The following CPNE4 variants were observed in gnomAD, a reference collection of about 807,000 sequenced individuals.
CPNE4 encodes the protein copine 4.
In CPNE4, 25 loss-of-function variants were observed where a neutral mutation model predicts 67.9. That is an observed-to-expected ratio of 0.37 (90% CI 0.27 to 0.51). The LOEUF (loss-of-function observed/expected upper bound fraction) is 0.51, where lower values mean the gene tolerates loss of function less well. Among genes scored for constraint, CPNE4 ranks in the 20% least tolerant of loss-of-function variants. CPNE4 has a pLI of 0.93. For missense variants in CPNE4, 464 were observed against 690.8 expected (o/e 0.67, Z 3.68); for synonymous variants, 242 against 244.9 (o/e 0.99, Z 0.11).
At chr3:131,889,726 C>T (rs1053144746) in intron 2 of CPNE4, among the ~76,000 whole-genome samples, 2 of 152,146 alleles carry the variant, frequency 1.3e-5, no homozygotes, top group African/African-American at 4.8e-5. Flanking sequence ...AATGGCAACA[C>T]AATCTGAGAA....
rs1937653916 is a variant in CPNE4 at position 131,579,560 on chromosome 3, T to C, written c.867+2019A>G. On this transcript the variant is annotated intron_variant, in intron 9 of 15. Transcript: ENST00000429747. ...TAAATTGAAAACTTTCTGGAAAAGA[T>C]TCATGATTCTAGATGCCATTAAGAA... is the stretch of plus-strand genomic sequence containing the variant. Among the ~76,000 whole-genome samples, 4 of 152,200 alleles carry C rather than the reference T, an allele frequency of 2.6e-5. No homozygotes were observed. In the South Asian group the frequency reaches 8.3e-4, roughly 32 times the overall value.
At chr3:131,595,190 A>G (rs1228603178) in intron 7 of CPNE4, among the ~76,000 whole-genome samples, 2 of 152,240 alleles carry the variant, frequency 1.3e-5, no homozygotes, top group African/African-American at 4.8e-5. Flanking sequence ...GAATTACCAT[A>G]TGATTCAGCA....
intron 1 of CPNE4, among the ~76,000 whole-genome samples, chr3:131,967,912 C>G (rs2072397609): frequency 1.3e-5 from 2 of 152,044 alleles, no homozygotes; most frequent in South Asian, 4.2e-4. Flanking sequence ...CAATCCAAAG[C>G]AAAAAGAACA....
At chr3:131,897,539 C>A (rs937730956) in intron 2 of CPNE4, among the ~76,000 whole-genome samples, 1 of 151,992 alleles carries the variant, frequency 6.6e-6, no homozygotes, top group Admixed American at 6.6e-5. Context: ...GGGCAAGTTA[C>A]TTAACACCTC....
intron 15 of CPNE4, among the ~76,000 whole-genome samples, chr3:131,536,725 C>G (rs1357691332): frequency 6.6e-6 from 1 of 152,194 alleles, no homozygotes; most frequent in African/African-American, 2.4e-5. Context: ...TTGAAGATGT[C>G]ATAGCATGAT....
At chr3:131,600,681 G>A (rs1176452233) in intron 7 of CPNE4, among the ~76,000 whole-genome samples, 1 of 152,178 alleles carries the variant, frequency 6.6e-6, no homozygotes, top group Admixed American at 6.5e-5. Context: ...TCTGTGTGGA[G>A]TGCTCTGTGC....
rs531131808 is a variant in CPNE4 at position 131,534,734 on chromosome 3, T to C, written c.*461A>G. 6.5e-6 allele frequency: 1 copy of C among 152,786 alleles called. No homozygotes were observed. Among genetic ancestry groups the C allele is most frequent in the African/African-American group, 2.4e-5 (1 of 41,580 alleles). 9.5% of individuals were successfully genotyped at this position (152,786 alleles called of 1,614,324 possible). On this transcript the variant is annotated 3_prime_UTR_variant, in exon 16 of 16. Coordinates refer to ENST00000429747, the MANE Select transcript of CPNE4 (RefSeq NM_130808.3). The stretch of plus-strand genomic sequence containing the variant: ...AAAACCATGTGGGTTTTTCTTTTTT[T>C]ATTTTAAACATGCAAAATACAGTCC...
At chr3:131,834,580 G>C (rs1560426257) in intron 2 of CPNE4, among the ~76,000 whole-genome samples, 1 of 147,972 alleles carries the variant, frequency 6.8e-6, no homozygotes, top group African/African-American at 2.5e-5. Context: ...TATTTGGAGA[G>C]AAAAAAAAAT....
chr3:131,771,418 A>T (rs2083163170), intron 2 of CPNE4, among the ~76,000 whole-genome samples: 1 of 152,016 alleles, frequency 6.6e-6, no homozygotes, highest in Admixed American at 6.6e-5. Flanking sequence ...TCCCTCATGG[A>T]TAGATTAATG....
At chr3:131,979,565 T>A (rs1029231138) in intron 1 of CPNE4, among the ~76,000 whole-genome samples, 2 of 152,210 alleles carry the variant, frequency 1.3e-5, no homozygotes, top group African/African-American at 4.8e-5. Flanking sequence ...TTTAAACTTA[T>A]GTGAGGCCTT....
intron 2 of CPNE4, among the ~76,000 whole-genome samples, chr3:131,729,351 G>A (rs1041475292): frequency 2.0e-5 from 3 of 152,104 alleles, no homozygotes; most frequent in Non-Finnish European, 4.4e-5. Flanking sequence ...TAAAAATAAA[G>A]GATTTATTAC....
chr3:131,780,814 C>T (rs960023753), intron 2 of CPNE4, among the ~76,000 whole-genome samples: 6 of 151,862 alleles, frequency 4.0e-5, no homozygotes, highest in Non-Finnish European at 7.4e-5. Context: ...AACCTGCACA[C>T]GTACCTCTTG....
chr3:131,853,794 A>G (rs2086330650), intron 2 of CPNE4, among the ~76,000 whole-genome samples: 1 of 151,908 alleles, frequency 6.6e-6, no homozygotes, highest in Non-Finnish European at 1.5e-5. Flanking sequence ...ATAAAAAGAT[A>G]CCCAACATTA....
chr3:131,564,949 G>T (rs1422068067), intron 10 of CPNE4, among the ~76,000 whole-genome samples: 2 of 152,002 alleles, frequency 1.3e-5, no homozygotes, highest in Admixed American at 6.6e-5. Context: ...CAAAGGGGAT[G>T]CCTGAATGTT....
At chr3:131,602,691 G>C (rs1266256423) in intron 7 of CPNE4, among the ~76,000 whole-genome samples, 1 of 152,130 alleles carries the variant, frequency 6.6e-6, no homozygotes, top group Non-Finnish European at 1.5e-5. Flanking sequence ...AGAGTAAAGA[G>C]ACAGGCTTTG....
intron 2 of CPNE4, among the ~76,000 whole-genome samples, chr3:131,762,938 G>T (rs2082925670): frequency 6.7e-6 from 1 of 149,700 alleles, no homozygotes; most frequent in Non-Finnish European, 1.5e-5. Flanking sequence ...ATACACAAAA[G>T]TAACTAGACC....
chr3:131,993,472 CAAA>C (rs58116331), intron 1 of CPNE4, among the ~76,000 whole-genome samples: 1 of 60,468 alleles, frequency 1.7e-5, no homozygotes, highest in Non-Finnish European at 3.2e-5. Context: ...GCAGGAGTGG[CAAA>C]AAAAAAAAAA....
chr3:131,792,732 C>A (rs1027685487), intron 2 of CPNE4, among the ~76,000 whole-genome samples: 1 of 78,884 alleles, frequency 1.3e-5, no homozygotes, highest in African/African-American at 3.9e-5. Flanking sequence ...TATATATACA[C>A]GTGTGTATAT....
At chr3:131,958,852 G>T (rs1435193018) in intron 1 of CPNE4, among the ~76,000 whole-genome samples, 1 of 151,248 alleles carries the variant, frequency 6.6e-6, no homozygotes, top group Non-Finnish European at 1.5e-5. Flanking sequence ...TAGAGATGGG[G>T]TTTCACCATG....
Sources: gnomAD v4.1 joint callset for allele counts (sites outside exome capture counted in the v4.1 genomes callset) on GRCh38, gnomAD v4.1.1 for gene constraint, MANE v1.5 for transcripts, NCBI Gene and HGNC (gene_info 2026-07-23, HGNC 2026-07-21) for gene names.